The following PCDHA5 variants were observed in gnomAD, a reference collection of about 807,000 sequenced individuals.
PCDHA5 encodes protocadherin alpha-5.
In PCDHA5, 43 loss-of-function variants were observed where a neutral mutation model predicts 61.6. The observed-to-expected ratio is 0.70, with a 90% CI of 0.55 to 0.90. PCDHA5 has a LOEUF of 0.90. Ranked by LOEUF, PCDHA5 falls within the 40% of genes least tolerant of loss-of-function variation. The pLI is 0.00. For synonymous variants in PCDHA5, 627 were observed against 543.9 expected (o/e 1.15, Z -2.13); for missense variants, 1,298 against 1,222.7 (o/e 1.06, Z -0.92).
intron 3 of PCDHA5, among the ~76,000 whole-genome samples, chr5:140,985,903 C>G (rs1554247500): frequency 6.6e-6 from 1 of 151,964 alleles, no homozygotes; most frequent in Non-Finnish European, 1.5e-5. Context: ...CCACTCCCGT[C>G]TAATTTTTTG....
intron 1 of PCDHA5, chr5:140,827,965 TGC>T: frequency 7.5e-7 from 1 of 1,335,940 alleles, no homozygotes; most frequent in South Asian, 1.4e-5. Context: ...CTTCTATTAC[TGC>T]ATCATTCCCT....
intron 1 of PCDHA5, chr5:140,884,510 T>C: frequency 3.1e-6 from 5 of 1,613,982 alleles, no homozygotes; most frequent in Non-Finnish European, 3.4e-6. Context: ...GGCAGGGAGT[T>C]GGTCGTACTC....
chr5:140,883,414 T>C, intron 1 of PCDHA5: 1 of 1,614,170 alleles, frequency 6.2e-7, no homozygotes, highest in South Asian at 1.1e-5. Flanking sequence ...CTGGCTCAAA[T>C]GGACAGGTCA....
rs2153432469 is a variant in PCDHA5, at chr5:140,890,949, A to C, written c.2352+66822A>C. On this transcript the variant is annotated intron_variant, in intron 1 of 3. Transcript: ENST00000529859. The stretch of plus-strand genomic sequence containing the variant: ...CTTTAGTCCAAAGATGCTGGTGAGG[A>C]ATGATTTCAGGTTTTGTTTTTCTGA... 2.0e-5 allele frequency among the ~76,000 whole-genome samples: 3 copies of C among 152,248 alleles called. No individual in the cohort carries two copies. The South Asian group carries it at 6.2e-4, about 32-fold the overall frequency.
At chr5:140,979,900 T>A (rs1554241214) in intron 2 of PCDHA5, among the ~76,000 whole-genome samples, 4 of 152,214 alleles carry the variant, frequency 2.6e-5, no homozygotes, top group Admixed American at 6.5e-5. Context: ...CAAACTTAGA[T>A]CAGTTCGTAA....
chr5:140,927,838 G>C, intron 1 of PCDHA5: 1 of 1,614,210 alleles, frequency 6.2e-7, no homozygotes, highest in Non-Finnish European at 8.5e-7. Context: ...GAGGGACGAA[G>C]GTGTCTTTGG....
At chr5:140,941,216 T>TTTCTTTCTTTCC (rs782179127) in intron 1 of PCDHA5, among the ~76,000 whole-genome samples, 13 of 124,948 alleles carry the variant, frequency 1.0e-4, no homozygotes, top group Non-Finnish European at 1.8e-4. Context: ...TCTTTCTTCC[T>TTTCTTTCTTTCC]TTCTTTCTTT....
intron 1 of PCDHA5, chr5:140,866,970 A>T (rs545469392): frequency 6.6e-6 from 1 of 152,296 alleles, no homozygotes; most frequent in African/African-American, 2.4e-5. Flanking sequence ...GTGACATCTG[A>T]AATATCACAG....
chr5:140,967,700 G>A lies in PCDHA5; in HGVS notation c.2353-11249G>A. ...GGAGAGGCAGCTCTTCAGCATAGAT[G>A]CCAGTACCGGGGAAGTGCGAGTAAT... On this transcript the variant is annotated intron_variant, in intron 1 of 3. Transcript: ENST00000529859. 4 of 1,614,196 alleles carry A rather than the reference G, an allele frequency of 2.5e-6. No homozygotes were observed. In the South Asian group the frequency reaches 4.4e-5, roughly 18 times the overall value.
Position 140,927,144 on chromosome 5 carries a change from A to T in PCDHA5, c.2353-51805A>T, listed in dbSNP as rs116743674. 1.1e-5 allele frequency: 18 copies of T among 1,614,102 alleles called. No individual in the cohort carries two copies. The South Asian group carries it at 1.9e-4, about 17-fold the overall frequency. On this transcript the variant is annotated intron_variant, in intron 1 of 3. Transcript: ENST00000529859. Reference sequence around the variant, plus strand: ...TGGTCAGAGAGCCGGCGGACCGCGAACAGCTGTGCAGGGCCAAAGCTGCCT... The same window carrying T: ...TGGTCAGAGAGCCGGCGGACCGCGATCAGCTGTGCAGGGCCAAAGCTGCCT...
chr5:140,989,696 T>G (rs1554251011), intron 3 of PCDHA5, among the ~76,000 whole-genome samples: 1 of 152,216 alleles, frequency 6.6e-6, no homozygotes, highest in African/African-American at 2.4e-5. Flanking sequence ...CGTGAAAATT[T>G]TATCTTCAGA....
At chr5:140,985,531 C>T (rs542453995) in intron 3 of PCDHA5, among the ~76,000 whole-genome samples, 102 of 152,254 alleles carry the variant, frequency 6.7e-4, no homozygotes, top group African/African-American at 1.9e-3. Context: ...TAAAGCTTCA[C>T]GGTGAAGATG....
In PCDHA5 at chr5:140,982,645, G is replaced by A. The variant is rs2096993238; in HGVS notation, c.2500+82G>A. 3.3e-6 allele frequency: 5 copies of A among 1,522,444 alleles called. No homozygotes were observed. In the East Asian group the frequency reaches 1.2e-4, roughly 36 times the overall value. 94.3% of individuals were successfully genotyped at this position (1,522,444 alleles called of 1,614,324 possible). A position where few individuals can be genotyped will look rare whatever the true frequency, so the allele number is the denominator to read the frequency against. On this transcript the variant is annotated intron_variant, in intron 3 of 3. Transcript: ENST00000529859. ...CTACTTTTGTAAGATCAGGAATGTT[G>A]ATGGCTCTTTTTCTTTTATATTTTT...
intron 3 of PCDHA5, among the ~76,000 whole-genome samples, chr5:140,985,239 A>C (rs2097143502): frequency 6.6e-6 from 1 of 152,008 alleles, no homozygotes; most frequent in South Asian, 2.1e-4. Flanking sequence ...GCCTGGCCTA[A>C]TCTTCTTACT....
chr5:140,835,635 G>C, intron 1 of PCDHA5: 1 of 1,613,914 alleles, frequency 6.2e-7, no homozygotes, highest in South Asian at 1.1e-5. Context: ...CCGCGAGAGT[G>C]TGTCCGCCTA....
At chr5:140,856,750 C>A in intron 1 of PCDHA5, 1 of 1,596,268 alleles carries the variant, frequency 6.3e-7, no homozygotes, top group South Asian at 1.1e-5. Context: ...TGTTAGATGC[C>A]AATGATAACG....
At chr5:140,843,337 C>T in intron 1 of PCDHA5, 4 of 1,596,000 alleles carry the variant, frequency 2.5e-6, no homozygotes, top group Non-Finnish European at 8.6e-7. Context: ...TGGTGGAGAG[C>T]GGCCAGGCTC....
rs2150243130 is a variant in PCDHA5 at position 140,835,724 on chromosome 5, C to G, written c.2352+11597C>G. The stretch of plus-strand genomic sequence containing the variant: ...CTAGCGTGTCCGTGGAGGTGGCCGA[C>G]GTGAACGACAACGCCCCGGCGTTCG... On this transcript the variant is annotated intron_variant, in intron 1 of 3. Coordinates refer to ENST00000529859, the MANE Select transcript of PCDHA5 (RefSeq NM_018908.3). 7 of 1,613,752 alleles carry G rather than the reference C, an allele frequency of 4.3e-6. No homozygotes were observed. The highest frequency in any genetic ancestry group is 2.2e-5 in the South Asian group (2 of 91,080).
At chr5:140,925,420 G>C (rs1332055982) in intron 1 of PCDHA5, among the ~76,000 whole-genome samples, 2 of 152,102 alleles carry the variant, frequency 1.3e-5, no homozygotes, top group Non-Finnish European at 2.9e-5. Flanking sequence ...AAAGGAACTG[G>C]TTGTAGGGTG....
Sources: gnomAD v4.1 joint callset for allele counts (sites outside exome capture counted in the v4.1 genomes callset) on GRCh38, gnomAD v4.1.1 for gene constraint, MANE v1.5 for transcripts, NCBI Gene and HGNC (gene_info 2026-07-23, HGNC 2026-07-21) for gene names.